Variants in COL25A1 observed in about 807,000 individuals in gnomAD.
COL25A1 encodes the protein collagen alpha-1(XXV) chain.
In COL25A1, 103 loss-of-function variants were observed where a neutral mutation model predicts 128.4. That is an observed-to-expected ratio of 0.80 (90% CI 0.68 to 0.94). COL25A1 has a LOEUF of 0.94. Among genes scored for constraint, COL25A1 ranks in the 40% least tolerant of loss-of-function variants. The probability of loss-of-function intolerance (pLI) is 0.00; values close to 1 mark genes in which losing one functional copy is unlikely to be tolerated. For synonymous variants in COL25A1, 279 were observed against 277.2 expected (o/e 1.01, Z -0.06); for missense variants, 745 against 840.0 (o/e 0.89, Z 1.40).
At chr4:108,849,007 C>T (rs943037088) in intron 26 of COL25A1, among the ~76,000 whole-genome samples, 1 of 152,074 alleles carries the variant, frequency 6.6e-6, no homozygotes, top group African/African-American at 2.4e-5. Context: ...TTATATGTAG[C>T]TAAGATCCAA....
chr4:108,993,028 T>A (rs1754375151), intron 6 of COL25A1, among the ~76,000 whole-genome samples: 2 of 152,220 alleles, frequency 1.3e-5, no homozygotes, highest in Admixed American at 6.5e-5. Context: ...ATGGTTATCA[T>A]GTTGTGGTGA....
At chr4:108,827,113 G>A in intron 33 of COL25A1, 22 bp downstream of exon 33, 3 of 1,610,634 alleles carry the variant, frequency 1.9e-6, no homozygotes, top group Non-Finnish European at 2.5e-6. Flanking sequence ...AGGTGGGGAG[G>A]TGCATGTGAC....
chr4:109,039,486 T>C (rs375443421), intron 5 of COL25A1, among the ~76,000 whole-genome samples: 2 of 152,296 alleles, frequency 1.3e-5, no homozygotes, highest in East Asian at 3.9e-4. Context: ...ACTACTTCGA[T>C]TTTTCACCCA....
At chr4:109,006,314 C>A (rs552681526) in intron 6 of COL25A1, among the ~76,000 whole-genome samples, 2 of 147,544 alleles carry the variant, frequency 1.4e-5, no homozygotes, top group Admixed American at 1.4e-4. Context: ...CAGGTTCAAG[C>A]GGTTCTCCTG....
chr4:109,029,081 G>A (rs537224859), intron 5 of COL25A1, among the ~76,000 whole-genome samples: 21 of 152,260 alleles, frequency 1.4e-4, no homozygotes, highest in African/African-American at 4.6e-4. Context: ...GGGAGTGGGA[G>A]CTATAAAGAA....
chr4:108,840,707 C>G (rs1734348541), intron 31 of COL25A1, among the ~76,000 whole-genome samples: 1 of 152,144 alleles, frequency 6.6e-6, no homozygotes, highest in African/African-American at 2.4e-5. Flanking sequence ...ACTACTGAAG[C>G]ACTCTCAGGA....
chr4:108,949,085 A>G (rs1284391699), intron 8 of COL25A1, among the ~76,000 whole-genome samples: 1 of 152,224 alleles, frequency 6.6e-6, no homozygotes, highest in African/African-American at 2.4e-5. Context: ...TGAGTGCACT[A>G]GAGAAGTATA....
chr4:109,106,950 G>A (rs1033687364), intron 3 of COL25A1, among the ~76,000 whole-genome samples: 2 of 152,054 alleles, frequency 1.3e-5, no homozygotes, highest in African/African-American at 4.8e-5. Flanking sequence ...TCTGTTTCCT[G>A]TAGAGATGGG....
chr4:109,225,097 T>G (rs1778713244), intron 3 of COL25A1, among the ~76,000 whole-genome samples: 1 of 152,198 alleles, frequency 6.6e-6, no homozygotes, highest in African/African-American at 2.4e-5. Context: ...GGAACCACAC[T>G]TTAAGAAACA....
intron 19 of COL25A1, among the ~76,000 whole-genome samples, chr4:108,874,785 A>G (rs1384689252): frequency 6.6e-6 from 1 of 152,210 alleles, no homozygotes; most frequent in Non-Finnish European, 1.5e-5. Context: ...AAAGACTTAA[A>G]CCTCTGGCTT....
intron 32 of COL25A1, among the ~76,000 whole-genome samples, chr4:108,827,542 T>G (rs1407101972): frequency 6.6e-6 from 1 of 152,208 alleles, no homozygotes; most frequent in Non-Finnish European, 1.5e-5. Context: ...GTCTTTCTTT[T>G]TTGAGACAGG....
At chr4:109,206,474 TATA>T (rs912866288) in intron 3 of COL25A1, among the ~76,000 whole-genome samples, 26 of 152,176 alleles carry the variant, frequency 1.7e-4, no homozygotes, top group Non-Finnish European at 1.6e-4. Context: ...TATAATTCTT[TATA>T]ATGTTTTCCA....
chr4:108,948,564 A>G (rs1749041803), intron 8 of COL25A1, among the ~76,000 whole-genome samples: 1 of 116,956 alleles, frequency 8.6e-6, no homozygotes, highest in African/African-American at 2.7e-5. Flanking sequence ...TCTATAAATG[A>G]TAAGTGTAAA....
chr4:109,200,455 C>CAT lies in COL25A1; in HGVS notation c.367+100127_367+100128insAT, dbSNP rs146232057. 0.011 allele frequency among the ~76,000 whole-genome samples: 1,623 copies of CAT among 151,782 alleles called. 59 individuals carry two copies. In the South Asian group the frequency reaches 0.14, roughly 13 times the overall value. On this transcript the variant is annotated intron_variant, in intron 3 of 37. Coordinates refer to ENST00000399132, the MANE Select transcript of COL25A1 (RefSeq NM_198721.4). Reference sequence around the variant, plus strand: ...TGGTATCATTTTGGTTCTCTCCTAACGTATCTTTTGTGGGGTTTTTTTGAG... The same window carrying CAT: ...TGGTATCATTTTGGTTCTCTCCTAACATGTATCTTTTGTGGGGTTTTTTTGAG...
At chr4:108,948,798 T>C (rs1192955717) in intron 8 of COL25A1, among the ~76,000 whole-genome samples, 3 of 152,228 alleles carry the variant, frequency 2.0e-5, no homozygotes, top group Non-Finnish European at 4.4e-5. Context: ...CATTAAATAC[T>C]GTAGCTACTA....
intron 3 of COL25A1, among the ~76,000 whole-genome samples, chr4:109,136,105 AAAT>A (rs1325138446): frequency 6.6e-6 from 1 of 152,152 alleles, no homozygotes; most frequent in Non-Finnish European, 1.5e-5. Flanking sequence ...ACATGATTTA[AAAT>A]AATAATAGGC....
chr4:109,197,057 C>G (rs1776099510), intron 3 of COL25A1, among the ~76,000 whole-genome samples: 1 of 151,814 alleles, frequency 6.6e-6, no homozygotes, highest in South Asian at 2.1e-4. Context: ...GTGGCTCACA[C>G]CTGTAATCCC....
chr4:109,001,347 A>G (rs956218963), intron 6 of COL25A1, among the ~76,000 whole-genome samples: 1 of 12,266 alleles, frequency 8.2e-5, no homozygotes, highest in Non-Finnish European at 4.8e-4. Context: ...CAGAATGGCA[A>G]TGGGGAAACC....
intron 3 of COL25A1, among the ~76,000 whole-genome samples, chr4:109,271,145 C>T (rs1782170380): frequency 6.6e-6 from 1 of 152,144 alleles, no homozygotes; most frequent in South Asian, 2.1e-4. Flanking sequence ...ATTCTTTTTG[C>T]ATCAGTTTTG....
Sources: allele counts gnomAD v4.1 joint callset (sites outside exome capture counted in the v4.1 genomes callset), GRCh38; gene constraint gnomAD v4.1.1; transcripts MANE v1.5; gene names NCBI Gene and HGNC (gene_info 2026-07-23, HGNC 2026-07-21).